CALN1: variants seen among roughly 807,000 people sequenced by gnomAD.
The protein encoded by CALN1 is calcium-binding protein 8.
Under a neutral mutation model 30.6 loss-of-function variants are expected in CALN1, and 17 were observed. The ratio of observed to expected loss-of-function variants is 0.56; its 90% CI spans 0.38 to 0.83. CALN1 has a LOEUF of 0.83. Among genes scored for constraint, CALN1 ranks in the 40% least tolerant of loss-of-function variants. The probability of loss-of-function intolerance (pLI) is 0.00; values close to 1 mark genes in which losing one functional copy is unlikely to be tolerated. For missense variants in CALN1, 291 were observed against 354.9 expected (o/e 0.82, Z 1.45); for synonymous variants, 156 against 131.4 (o/e 1.19, Z -1.28).
chr7:72,174,926 A>T (rs961211039), intron 3 of CALN1, among the ~76,000 whole-genome samples: 7 of 137,774 alleles, frequency 5.1e-5, no homozygotes, highest in African/African-American at 1.4e-4. Context: ...AATATAATCA[A>T]TTTTTTTTTT....
Position 72,434,777 on chromosome 7 carries a change from C to T in CALN1, c.-226+12265G>A, listed in dbSNP as rs1348678936. On this transcript the variant is annotated intron_variant, in intron 1 of 6. Coordinates refer to the CALN1 transcript ENST00000395276. ...ACGAGTAAACATCATCCTCCAACTC[C>T]CCACAGAGCAGAACAGCAGGAAAAA... Among the ~76,000 whole-genome samples the T allele has an allele frequency of 4.6e-5, 7 of 152,308 alleles. No individual in the cohort carries two copies. In the East Asian group the frequency reaches 1.3e-3, roughly 29 times the overall value.
chr7:71,801,420 G>GTATCTATCTATCTATCTATC (rs1469408457), intron 6 of CALN1, among the ~76,000 whole-genome samples: 28 of 102,504 alleles, frequency 2.7e-4, no homozygotes, highest in Non-Finnish European at 3.7e-4. Flanking sequence ...ATGTATGTAT[G>GTATCTATCTATCTATCTATC]TATGTATGTA....
At chr7:72,082,341 G>C (rs1257313917) in intron 4 of CALN1, among the ~76,000 whole-genome samples, 1 of 152,166 alleles carries the variant, frequency 6.6e-6, no homozygotes, top group Non-Finnish European at 1.5e-5. Flanking sequence ...TGCCGCAGCG[G>C]AACAGCATGC....
chr7:72,485,213 C>A, the CALN1 span, among the ~76,000 whole-genome samples: 1 of 152,134 alleles, frequency 6.6e-6, no homozygotes, highest in Non-Finnish European at 1.5e-5. Flanking sequence ...TATGATTGAG[C>A]CACTGTACCC....
At chr7:71,896,252 A>G (rs1793524771) in intron 5 of CALN1, among the ~76,000 whole-genome samples, 1 of 152,214 alleles carries the variant, frequency 6.6e-6, no homozygotes, top group Admixed American at 6.5e-5. Flanking sequence ...CAAGCCTCAT[A>G]CATAATACAA....
At chr7:72,133,324 C>T (rs547880457) in intron 3 of CALN1, among the ~76,000 whole-genome samples, 1 of 152,218 alleles carries the variant, frequency 6.6e-6, no homozygotes, top group South Asian at 2.1e-4. Flanking sequence ...CTTGAAGAGG[C>T]TACTACTATA....
chr7:72,258,266 A>G (rs1165856577), intron 3 of CALN1, among the ~76,000 whole-genome samples: 3 of 152,196 alleles, frequency 2.0e-5, no homozygotes, highest in Admixed American at 6.5e-5. Context: ...CCCTAATTAT[A>G]GGCAGGCAAT....
intron 5 of CALN1, among the ~76,000 whole-genome samples, chr7:71,972,297 A>G (rs1269481940): frequency 2.0e-5 from 3 of 152,174 alleles, no homozygotes; most frequent in Non-Finnish European, 2.9e-5. Context: ...ATTTTGTTGC[A>G]CGCTCAGGGA....
At chr7:72,209,754 C>CT (rs1792260434) in intron 3 of CALN1, among the ~76,000 whole-genome samples, 1 of 152,102 alleles carries the variant, frequency 6.6e-6, no homozygotes, top group South Asian at 2.1e-4. Context: ...TCTCTATAGA[C>CT]TTGTCTATTC....
chr7:71,918,886 G>T (rs1473943208), intron 5 of CALN1, among the ~76,000 whole-genome samples: 3 of 152,044 alleles, frequency 2.0e-5, no homozygotes, highest in Non-Finnish European at 4.4e-5. Context: ...TGTTTTCCTA[G>T]TTCTACTTTC....
chr7:72,400,744 C>T (rs1481521558), intron 2 of CALN1, among the ~76,000 whole-genome samples: 1 of 152,194 alleles, frequency 6.6e-6, no homozygotes, highest in Non-Finnish European at 1.5e-5. Context: ...TGGTGGCCAC[C>T]TGTAATCCCA....
chr7:72,497,143 T>C, the CALN1 span, among the ~76,000 whole-genome samples: 216 of 152,172 alleles, frequency 1.4e-3, no homozygotes, highest in African/African-American at 4.9e-3. Context: ...GTGCTATTAA[T>C]AGAATGACAG....
chr7:72,141,590 C>T (rs759908397), intron 3 of CALN1, among the ~76,000 whole-genome samples: 26 of 151,658 alleles, frequency 1.7e-4, no homozygotes, highest in African/African-American at 4.1e-4. Flanking sequence ...TTTTTCAAGA[C>T]GGAGTTTCCA....
intron 5 of CALN1, among the ~76,000 whole-genome samples, chr7:71,843,476 A>G (rs1386576043): frequency 6.6e-6 from 1 of 152,084 alleles, no homozygotes; most frequent in African/African-American, 2.4e-5. Flanking sequence ...TTAGAAAAAT[A>G]GCCAGGCATG....
intron 3 of CALN1, among the ~76,000 whole-genome samples, chr7:72,168,628 GAGAC>G (rs1198676406): frequency 6.6e-6 from 1 of 152,004 alleles, no homozygotes; most frequent in African/African-American, 2.4e-5. Flanking sequence ...AAAAGTAAAA[GAGAC>G]AGTGTTCTGA....
At chr7:72,286,476 C>T (rs1798085775) in intron 2 of CALN1, among the ~76,000 whole-genome samples, 1 of 152,156 alleles carries the variant, frequency 6.6e-6, no homozygotes, top group Non-Finnish European at 1.5e-5. Flanking sequence ...ATTTTTCATG[C>T]ATTGCTTCTG....
At chr7:71,816,955 G>A (rs1584285142) in intron 5 of CALN1, among the ~76,000 whole-genome samples, 1 of 152,084 alleles carries the variant, frequency 6.6e-6, no homozygotes, top group African/African-American at 2.4e-5. Context: ...GCAACAGAGC[G>A]AGACTCTGTC....
chr7:72,400,879 T>G (rs1806292670), intron 2 of CALN1, among the ~76,000 whole-genome samples: 1 of 152,102 alleles, frequency 6.6e-6, no homozygotes, highest in Non-Finnish European at 1.5e-5. Context: ...TTGCAACCAA[T>G]ATGGCTCTGG....
At chr7:72,428,784 A>C (rs1482609705) in intron 1 of CALN1, among the ~76,000 whole-genome samples, 1 of 152,200 alleles carries the variant, frequency 6.6e-6, no homozygotes, top group Non-Finnish European at 1.5e-5. Context: ...AGATTGCTTG[A>C]GTCCAGGAGT....
Sources: gnomAD v4.1 joint callset for allele counts (sites outside exome capture counted in the v4.1 genomes callset) on GRCh38, gnomAD v4.1.1 for gene constraint, MANE v1.5 for transcripts, NCBI Gene and HGNC (gene_info 2026-07-23, HGNC 2026-07-21) for gene names.